The following DRD4 variants were observed in gnomAD, a reference collection of about 807,000 sequenced individuals.
DRD4 encodes D(4) dopamine receptor.
Under a neutral mutation model 22.1 loss-of-function variants are expected in DRD4, and 26 were observed. That is an observed-to-expected ratio of 1.17 (90% CI 0.86 to 1.63). DRD4 has a LOEUF of 1.63. Among genes scored for constraint, DRD4 ranks in the 40% most tolerant of loss-of-function variants. The pLI, the probability that DRD4 is intolerant of heterozygous loss-of-function variation, is 0.00. For missense variants in DRD4, 913 were observed against 632.4 expected (o/e 1.44, Z -4.76); for synonymous variants, 455 against 306.7 (o/e 1.48, Z -5.05).
Position 637,724 on chromosome 11 carries a change from G to A in DRD4, c.285+135G>A, listed in dbSNP as rs1486570571. 4 of 1,468,468 alleles carry A rather than the reference G, an allele frequency of 2.7e-6. No homozygotes were observed. In the Admixed American group the frequency reaches 6.0e-5, roughly 22 times the overall value. 91.0% of individuals were successfully genotyped at this position (1,468,468 alleles called of 1,614,324 possible). On this transcript the variant is annotated intron_variant, in intron 1 of 3. Transcript: ENST00000176183. ...GCTGGGGCGGCGGCAGGGGCGCTGC[G>A]CCTTGTCCCTCGGCGATACACCCAC... is the stretch of plus-strand genomic sequence containing the variant.
At position 639,866 on chromosome 11, in the gene DRD4, C is replaced by T. The variant is rs145777890; in HGVS notation, c.617C>T (p.Pro206Leu). 2.5e-6 allele frequency: 4 copies of T among 1,584,426 alleles called. No individual in the cohort carries two copies. The highest frequency in any genetic ancestry group is 3.4e-6 in the Non-Finnish European group (4 of 1,172,850). ...GTGTGCTCCTTCTTCCTACCCTGCC[C>T]GCTCATGCTGCTGCTCTACTGGGCC... ...SSVCSFFLPC[P>L]LMLLLYWATF... Residue 206 changes from proline (P) to leucine (L), a missense_variant, in exon 3 of 4, where the codon CCG (proline) becomes CTG (leucine). Coordinates refer to ENST00000176183, the MANE Select transcript of DRD4 (RefSeq NM_000797.4).
In DRD4 at chr11:639,458, G is replaced by GCC. The variant is rs778885824; in HGVS notation, c.315_316dup (p.Arg106ProfsTer241). The GCC allele has an allele frequency of 6.3e-7, 1 of 1,597,678 alleles. No homozygotes were observed. Among genetic ancestry groups the GCC allele is most frequent in the Admixed American group, 1.7e-5 (1 of 59,654 alleles). ...GTCCAGGGTGGCGCGTGGCTGCTGA[G>GCC]CCCCCGCCTGTGCGACGCCCTCATG... On this transcript the variant is annotated frameshift_variant, in exon 2 of 4. Transcript: ENST00000176183. LOFTEE classifies it high-confidence loss of function.
In DRD4 at chr11:640,354, GAGGCCGGC is replaced by G. The variant is rs749338488; in HGVS notation, c.1058-46_1058-39del. The G allele has an allele frequency of 5.2e-4, 807 of 1,564,014 alleles. 1 individual carries two copies. The highest frequency in any genetic ancestry group is 6.5e-4 in the Non-Finnish European group (752 of 1,159,904). The stretch of plus-strand genomic sequence containing the variant: ...GGGGAGGAGAGGAGGGGGGGGGTAC[GAGGCCGGC>G]TGGGCGGGGGGCGCTAACGCGGCTC... On this transcript the variant is annotated intron_variant, in intron 3 of 3. Transcript: ENST00000176183.
chr11:640,438 G>A lies in DRD4; in HGVS notation c.1095G>A (p.Val365=), dbSNP rs756441938. ...TGTGCTGGACGCCCTTCTTCGTGGT[G>A]CACATCACGCAGGCGCTGTGTCCTG... is the stretch of plus-strand genomic sequence containing the variant. ...FLLCWTPFFV[V]HITQALCPAC... Residue 365 remains valine, a synonymous_variant, in exon 4 of 4, where the codon GTG becomes GTA. Coordinates refer to ENST00000176183, the MANE Select transcript of DRD4 (RefSeq NM_000797.4). 1.9e-6 allele frequency: 3 copies of A among 1,601,082 alleles called. No individual in the cohort carries two copies. In the African/African-American group the frequency reaches 4.0e-5, roughly 21 times the overall value.
chr11:639,560 C>CCGCCCG lies in DRD4; in HGVS notation c.398+21_398+26dup, dbSNP rs769275119. The CCGCCCG allele has an allele frequency of 4.6e-5, 67 of 1,441,712 alleles. No homozygotes were observed. In the East Asian group the frequency reaches 2.1e-3, roughly 44 times the overall value. 89.3% of individuals were successfully genotyped at this position (1,441,712 alleles called of 1,614,324 possible). On this transcript the variant is annotated intron_variant, in intron 2 of 3. Transcript: ENST00000176183. ...AGCGTGGACAGGTGCGCCGCCCTCCCCGCCCGCGCCCCGGCGCCCCCGCGC... is the reference window on the plus strand; with the variant it reads ...AGCGTGGACAGGTGCGCCGCCCTCCCCGCCCGCGCCCGCGCCCCGGCGCCCCCGCGC...
Position 640,486 on chromosome 11 carries a change from G to T in DRD4, c.1143G>T (p.Leu381=), listed in dbSNP as rs1267833135. The T allele has an allele frequency of 1.9e-6, 3 of 1,602,192 alleles. No individual in the cohort carries two copies. Among genetic ancestry groups the T allele is most frequent in the Non-Finnish European group, 2.5e-6 (3 of 1,179,800 alleles). Residue 381 remains leucine, a synonymous_variant, in exon 4 of 4, where the codon CTG becomes CTT. Coordinates refer to ENST00000176183, the MANE Select transcript of DRD4 (RefSeq NM_000797.4). The part of the protein sequence containing the change: ...LCPACSVPPR[L]VSAVTWLGYV... Reference sequence around the variant, plus strand: ...CTGCCTGCTCCGTGCCCCCGCGGCTGGTCAGCGCCGTCACCTGGCTGGGCT... The same window carrying T: ...CTGCCTGCTCCGTGCCCCCGCGGCTTGTCAGCGCCGTCACCTGGCTGGGCT...
chr11:639,332 C>G, intron 1 of DRD4, 101 bp from the exon 2 acceptor site: 1 of 1,150,108 alleles, frequency 8.7e-7, no homozygotes, highest in Non-Finnish European at 1.2e-6. Context: ...GCCGGGCCCC[C>G]TTCTCCGTAT....
At chr11:637,981 C>T (rs1179192830) in intron 1 of DRD4, among the ~76,000 whole-genome samples, 10 of 19,310 alleles carry the variant, frequency 5.2e-4, no homozygotes, top group Non-Finnish European at 9.4e-4. Flanking sequence ...CCCTGGCTGC[C>T]GTGGGACACA....
chr11:637,347 G>A lies in DRD4; in HGVS notation c.43G>A (p.Gly15Arg). The A allele has an allele frequency of 2.3e-6, 3 of 1,284,748 alleles. No individual in the cohort carries two copies. The highest frequency in any genetic ancestry group is 2.9e-6 in the Non-Finnish European group (3 of 1,023,012). 79.6% of individuals were successfully genotyped at this position (1,284,748 alleles called of 1,614,324 possible). A position where few individuals can be genotyped will look rare whatever the true frequency, so the allele number is the denominator to read the frequency against. ...CGCGGACGCGGACGGGCTGCTGGCT[G>A]GGCGCGGGCCGGCCGCGGGGGCATC... is the stretch of plus-strand genomic sequence containing the variant. ...STADADGLLA[G>R]RGPAAGASAG... Residue 15 changes from glycine (G) to arginine (R), a missense_variant, in exon 1 of 4, where the codon GGG (glycine) becomes AGG (arginine). Transcript: ENST00000176183.
Position 639,355 on chromosome 11 carries a change from C to T in DRD4, c.286-78C>T, listed in dbSNP as rs1013267299. 3.0e-5 allele frequency: 40 copies of T among 1,344,296 alleles called. No individual in the cohort carries two copies. In the Admixed American group the frequency reaches 7.7e-4, roughly 26 times the overall value. The allele number at this position is 1,344,296 out of a possible 1,614,324, so 83.3% of individuals were successfully genotyped here. On this transcript the variant is annotated intron_variant, in intron 1 of 3. Transcript: ENST00000176183. ...CCCTTCTCCGTATTCAGCCCTGGAA[C>T]TACCCATAAGAGTGGGGGCGGGTCA...
At chr11:638,453 C>G (rs1489748320) in intron 1 of DRD4, among the ~76,000 whole-genome samples, 1 of 152,144 alleles carries the variant, frequency 6.6e-6, no homozygotes, top group East Asian at 1.9e-4. Flanking sequence ...CCCAAATCGG[C>G]GGGAAGGATT....
Position 637,601 on chromosome 11 carries a change from C to G in DRD4, c.285+12C>G. 10 of 1,543,008 alleles carry G rather than the reference C, an allele frequency of 6.5e-6. No individual in the cohort carries two copies. The highest frequency in any genetic ancestry group is 8.7e-6 in the Non-Finnish European group (10 of 1,148,276). On this transcript the variant is annotated intron_variant, in intron 1 of 3. Coordinates refer to ENST00000176183, the MANE Select transcript of DRD4 (RefSeq NM_000797.4). ...TCGTCTACTCCGAGGTGAGCCGCGT[C>G]CGGCCGCACGAGCATCCTCACCTGC...
chr11:640,328 C>CGGGGA (rs767234596), intron 3 of DRD4, 22 bp downstream of exon 3: 4 of 1,094,310 alleles, frequency 3.7e-6, no homozygotes, highest in South Asian at 2.7e-5. Context: ...TCCTGAGGGG[C>CGGGGA]GGGGAGGAGA....
At position 640,426 on chromosome 11, in the gene DRD4, C is replaced by T. The variant is rs764250733; in HGVS notation, c.1083C>T (p.Pro361=). Reference sequence around the variant, plus strand: ...GGGCCTTCCTGCTGTGCTGGACGCCCTTCTTCGTGGTGCACATCACGCAGG... The same window carrying T: ...GGGCCTTCCTGCTGTGCTGGACGCCTTTCTTCGTGGTGCACATCACGCAGG... The part of the protein sequence containing the change: ...VVGAFLLCWT[P]FFVVHITQAL... The change falls in exon 4 of 4, where the codon CCC becomes CCT. Residue 361 remains proline, a synonymous_variant. Coordinates refer to ENST00000176183, the MANE Select transcript of DRD4 (RefSeq NM_000797.4). 47 of 1,600,500 alleles carry T rather than the reference C, an allele frequency of 2.9e-5. No individual in the cohort carries two copies. The highest frequency in any genetic ancestry group is 3.6e-5 in the Non-Finnish European group (43 of 1,179,722).
chr11:637,674 G>A (rs764116316), intron 1 of DRD4, 85 bp downstream of exon 1: 1 of 1,530,642 alleles, frequency 6.5e-7, no homozygotes, highest in African/African-American at 1.4e-5. Flanking sequence ...GCGCGACCCG[G>A]CCCCTTTCTG....
chr11:637,906 C>T (rs562014301), intron 1 of DRD4, among the ~76,000 whole-genome samples: 2 of 152,222 alleles, frequency 1.3e-5, no homozygotes, highest in African/African-American at 2.4e-5. Context: ...AGCCCAGTCC[C>T]CTCCGTAGCT....
Position 637,301 on chromosome 11 carries a change from C to A in DRD4, c.-4C>A. The A allele has an allele frequency of 8.3e-7, 1 of 1,207,558 alleles. No homozygotes were observed. The highest frequency in any genetic ancestry group is 1.0e-6 in the Non-Finnish European group (1 of 973,002). The allele number at this position is 1,207,558 out of a possible 1,614,324, so 74.8% of individuals were successfully genotyped here. ...GCGGTGCTCAGCGCCCGCCCGGGCG[C>A]GCCATGGGGAACCGCAGCACCGCGG... On this transcript the variant is annotated 5_prime_UTR_variant, in exon 1 of 4. Coordinates refer to ENST00000176183, the MANE Select transcript of DRD4 (RefSeq NM_000797.4).
intron 1 of DRD4, among the ~76,000 whole-genome samples, chr11:638,166 G>A (rs1339616513): frequency 6.6e-6 from 1 of 152,220 alleles, no homozygotes; most frequent in Non-Finnish European, 1.5e-5. Context: ...GGAAGCCTGA[G>A]GGGGAATTGG....
At chr11:637,703 G>C in intron 1 of DRD4, 114 bp downstream of exon 1, 8 of 1,519,136 alleles carry the variant, frequency 5.3e-6, no homozygotes, top group Non-Finnish European at 7.0e-6. Context: ...CTTCCAGCTG[G>C]GGCGGCGGCA....
Sources: gnomAD v4.1 joint callset for allele counts (sites outside exome capture counted in the v4.1 genomes callset) on GRCh38, gnomAD v4.1.1 for gene constraint, MANE v1.5 for transcripts, NCBI Gene and HGNC (gene_info 2026-07-23, HGNC 2026-07-21) for gene names.